CRACDL: variants seen among roughly 807,000 people sequenced by gnomAD.
CRACDL encodes CRACD-like protein.
Under a neutral mutation model 70.6 loss-of-function variants are expected in CRACDL, and 26 were observed. That is an observed-to-expected ratio of 0.37 (90% CI 0.27 to 0.51). CRACDL has a LOEUF of 0.51. Among genes scored for constraint, CRACDL ranks in the 20% least tolerant of loss-of-function variants. CRACDL has a pLI of 0.94. For missense variants in CRACDL, 1,283 were observed against 1,376.9 expected (o/e 0.93, Z 1.08); for synonymous variants, 618 against 615.2 (o/e 1.00, Z -0.07).
chr2:98,842,897 TGTGTG>T (rs1706094800), intron 2 of CRACDL, among the ~76,000 whole-genome samples: 1 of 151,858 alleles, frequency 6.6e-6, no homozygotes, highest in African/African-American at 2.4e-5. Flanking sequence ...TGTGTGTGTG[TGTGTG>T]TGTAAACATA....
At chr2:98,921,294 G>A (rs1235581010) in intron 1 of CRACDL, among the ~76,000 whole-genome samples, 1 of 152,204 alleles carries the variant, frequency 6.6e-6, no homozygotes, top group Non-Finnish European at 1.5e-5. Context: ...GGCGCGGCAG[G>A]GCAGCCACAA....
intron 7 of CRACDL, among the ~76,000 whole-genome samples, chr2:98,821,539 A>C (rs187304802): frequency 2.5e-3 from 378 of 152,290 alleles, no homozygotes; most frequent in Admixed American, 3.9e-3. Context: ...CACTGGAAGA[A>C]TTGCCTTGGG....
chr2:98,803,753 A>G (rs956117249), intron 7 of CRACDL, among the ~76,000 whole-genome samples: 1 of 152,212 alleles, frequency 6.6e-6, no homozygotes, highest in African/African-American at 2.4e-5. Flanking sequence ...CATCATCGCC[A>G]TTTCTCACAG....
intron 1 of CRACDL, among the ~76,000 whole-genome samples, chr2:98,884,062 G>A (rs969408852): frequency 1.3e-5 from 2 of 152,148 alleles, no homozygotes; most frequent in Admixed American, 6.5e-5. Flanking sequence ...GGGCAGGAGC[G>A]GGGCAGCAGA....
chr2:98,838,329 AGT>A, intron 2 of CRACDL, 42 bp from the exon 3 acceptor site: 2 of 1,241,734 alleles, frequency 1.6e-6, no homozygotes, highest in Non-Finnish European at 2.3e-6. Flanking sequence ...AGACTGTTAC[AGT>A]GTGTGTTTAT....
rs74757360 is a variant in CRACDL at position 98,920,199 on chromosome 2, T to A, written c.-11+15739A>T. Among the ~76,000 whole-genome samples the A allele has an allele frequency of 2.1e-3, 318 of 152,308 alleles. 6 individuals carry two copies. The East Asian group carries it at 0.056, about 27-fold the overall frequency. The stretch of plus-strand genomic sequence containing the variant: ...CCCCACTGCTGGAACACGCTGAACA[T>A]CTCTACCTGTACAATGGCTCTTTTG... On this transcript the variant is annotated intron_variant, in intron 1 of 9. Coordinates refer to ENST00000397899, the MANE Select transcript of CRACDL (RefSeq NM_207362.3).
intron 2 of CRACDL, 118 bp from the exon 3 acceptor site, chr2:98,838,405 C>A: frequency 1.7e-6 from 1 of 580,124 alleles, no homozygotes; most frequent in African/African-American, 1.9e-5. Context: ...CATCAGTTAT[C>A]TGCTTCTGAA....
intron 1 of CRACDL, 100 bp from the exon 2 acceptor site, chr2:98,846,910 C>G (rs1314607581): frequency 1.1e-6 from 1 of 948,080 alleles, no homozygotes; most frequent in East Asian, 2.5e-5. Context: ...ATCTGGCCTG[C>G]ACACACCCCA....
intron 1 of CRACDL, among the ~76,000 whole-genome samples, chr2:98,848,228 CA>C (rs534611967): frequency 5.4e-4 from 82 of 152,324 alleles, no homozygotes; most frequent in Middle Eastern, 3.4e-3. Flanking sequence ...TGCTATCAAA[CA>C]GCAGAATGAT....
At chr2:98,852,585 C>A (rs72811098) in intron 1 of CRACDL, among the ~76,000 whole-genome samples, 5,941 of 151,676 alleles carry the variant, frequency 0.039, 144 homozygotes, top group Middle Eastern at 0.065. Flanking sequence ...AAAAATGTAG[C>A]CATAATATAT....
chr2:98,827,235 G>A (rs924695423), intron 5 of CRACDL, 66 bp from the exon 6 acceptor site: 39 of 1,110,964 alleles, frequency 3.5e-5, no homozygotes, highest in Admixed American at 9.1e-5. Context: ...GACGACCAAC[G>A]CAACAATGCT....
chr2:98,798,703 T>A (rs973210197), intron 7 of CRACDL, among the ~76,000 whole-genome samples: 1 of 151,870 alleles, frequency 6.6e-6, no homozygotes, highest in South Asian at 2.1e-4. Flanking sequence ...CTTTTCTTTT[T>A]TTTTTTGAGA....
intron 7 of CRACDL, among the ~76,000 whole-genome samples, chr2:98,804,526 C>CACCGTAT (rs1704209929): frequency 6.6e-6 from 1 of 152,216 alleles, no homozygotes; most frequent in Admixed American, 6.5e-5. Context: ...TTAGCTCTTA[C>CACCGTAT]ACCGTATACA....
At chr2:98,903,076 G>A (rs1405700303) in intron 1 of CRACDL, among the ~76,000 whole-genome samples, 1 of 152,100 alleles carries the variant, frequency 6.6e-6, no homozygotes, top group Non-Finnish European at 1.5e-5. Flanking sequence ...TGACCCGAGT[G>A]CTCCTGCCCA....
intron 3 of CRACDL, among the ~76,000 whole-genome samples, chr2:98,835,801 TGAATGATA>T (rs1705752517): frequency 6.6e-6 from 1 of 152,176 alleles, no homozygotes; most frequent in African/African-American, 2.4e-5. Context: ...AAGTGTACAG[TGAATGATA>T]GAATTAGAAA....
chr2:98,882,688 T>A (rs2104618743), intron 1 of CRACDL, among the ~76,000 whole-genome samples: 1 of 151,868 alleles, frequency 6.6e-6, no homozygotes, highest in East Asian at 1.9e-4. Context: ...ACAGAAAGAG[T>A]CCCAACTCAT....
rs1478059922 is a variant in CRACDL, at chr2:98,854,297, A to AG, written c.-10-7488_-10-7487insC. ...TCTGTCTCAAAAAAAAAAAAAAAAA[A>AG]AAAGAAAGAAAAGAAAACCAGATGG... On this transcript the variant is annotated intron_variant, in intron 1 of 9. Transcript: ENST00000397899. Among the ~76,000 whole-genome samples, 212 of 149,024 alleles carry AG rather than the reference A, an allele frequency of 1.4e-3. 1 individual carries two copies. The highest frequency in any genetic ancestry group is 5.0e-3 in the African/African-American group (199 of 40,112).
At chr2:98,849,674 C>T (rs1706404091) in intron 1 of CRACDL, among the ~76,000 whole-genome samples, 1 of 152,046 alleles carries the variant, frequency 6.6e-6, no homozygotes, top group African/African-American at 2.4e-5. Context: ...ACCACCAAGA[C>T]CACCAAGACC....
intron 1 of CRACDL, among the ~76,000 whole-genome samples, chr2:98,903,090 G>A (rs1558632178): frequency 6.6e-6 from 1 of 152,126 alleles, no homozygotes; most frequent in Non-Finnish European, 1.5e-5. Context: ...CTGCCCATTT[G>A]CTGTGGGGAT....
Sources: allele counts gnomAD v4.1 joint callset (sites outside exome capture counted in the v4.1 genomes callset), GRCh38; gene constraint gnomAD v4.1.1; transcripts MANE v1.5; gene names NCBI Gene and HGNC (gene_info 2026-07-23, HGNC 2026-07-21).